The following EGLN3 variants were observed in gnomAD, a reference collection of about 807,000 sequenced individuals.
EGLN3 encodes prolyl hydroxylase EGLN3.
A neutral mutation model predicts 26.0 loss-of-function variants in EGLN3; 15 were observed. That is an observed-to-expected ratio of 0.58 (90% CI 0.39 to 0.89). The LOEUF (loss-of-function observed/expected upper bound fraction) is 0.89. EGLN3 is among the 40% of genes least tolerant of loss of function. EGLN3 has a pLI of 0.00. For missense variants in EGLN3, 238 were observed against 311.6 expected (o/e 0.76, Z 1.78); for synonymous variants, 147 against 127.2 (o/e 1.16, Z -1.05).
At chr14:33,938,598 G>A (rs2064458810) in intron 1 of EGLN3, among the ~76,000 whole-genome samples, 1 of 152,188 alleles carries the variant, frequency 6.6e-6, no homozygotes, top group African/African-American at 2.4e-5. Flanking sequence ...CTCTACCCCA[G>A]TCACCAGAGA....
rs754456979 is a variant in EGLN3 at position 33,950,522 on chromosome 14, C to T, written c.231G>A (p.Gln77=). 6.2e-7 allele frequency: 1 copy of T among 1,613,642 alleles called. No homozygotes were observed. The highest frequency in any genetic ancestry group is 8.5e-7 in the Non-Finnish European group (1 of 1,180,014). Residue 77 remains glutamine (Q), a synonymous_variant, in exon 1 of 5, where the codon CAG becomes CAA. Transcript: ENST00000250457. The part of the protein sequence containing the change: ...GVSKRHLRGD[Q]ITWIGGNEEG... ...CCTCGTTGCCCCCGATCCACGTGAT[C>T]TGGTCGCCCCGCAGGTGTCGCTTGG...
chr14:33,927,230 G>A (rs971563407), intron 3 of EGLN3, among the ~76,000 whole-genome samples, 197 bp from the exon 4 acceptor site: 2 of 151,666 alleles, frequency 1.3e-5, no homozygotes, highest in Middle Eastern at 3.4e-3. Flanking sequence ...AGGCAGAGGC[G>A]TGATCTCGGC....
intron 1 of EGLN3, among the ~76,000 whole-genome samples, chr14:33,948,008 G>A (rs1292219875): frequency 6.6e-6 from 1 of 152,042 alleles, no homozygotes; most frequent in African/African-American, 2.4e-5. Flanking sequence ...CTACAGCCTG[G>A]CGACAGAGCA....
intron 1 of EGLN3, among the ~76,000 whole-genome samples, chr14:33,945,908 G>T (rs2064514353): frequency 6.6e-6 from 1 of 152,120 alleles, no homozygotes; most frequent in Admixed American, 6.5e-5. Context: ...ACACCACCTT[G>T]CAACACATCT....
chr14:33,944,552 G>A (rs546728963), intron 1 of EGLN3, among the ~76,000 whole-genome samples: 2 of 152,224 alleles, frequency 1.3e-5, no homozygotes, highest in East Asian at 3.9e-4. Flanking sequence ...TATCTCTCTA[G>A]CCCTAAAAAC....
At position 33,931,143 on chromosome 14, in the gene EGLN3, G is replaced by A. The variant is rs1268153666; in HGVS notation, c.430C>T (p.Arg144Cys). Residue 144 changes from arginine to cysteine, a missense_variant, in exon 2 of 5, where the codon CGC (arginine) becomes TGC (cysteine). By Grantham distance (180) the Arg-to-Cys change is radical (BLOSUM62 -3). Transcript: ENST00000250457. ...AGATAGTAGATGCAGGTGATGCAGC[G>A]ACCATCACCGTTGGGGTTGTCCACG... The part of the protein sequence containing the change: ...RHVDNPNGDG[R>C]CITCIYYLNK... 1.9e-6 allele frequency: 3 copies of A among 1,614,112 alleles called. No individual in the cohort carries two copies. The highest frequency in any genetic ancestry group is 2.5e-6 in the Non-Finnish European group (3 of 1,180,000).
chr14:33,937,375 T>G (rs2138819296), intron 1 of EGLN3, among the ~76,000 whole-genome samples: 1 of 152,370 alleles, frequency 6.6e-6, no homozygotes, highest in African/African-American at 2.4e-5. Flanking sequence ...GGCATCTTGC[T>G]GGTCATCTTT....
chr14:33,928,491 G>A (rs1406642790), intron 3 of EGLN3, among the ~76,000 whole-genome samples: 1 of 152,124 alleles, frequency 6.6e-6, no homozygotes, highest in Non-Finnish European at 1.5e-5. Context: ...ACAATACTAA[G>A]GTGTTCAGTT....
intron 1 of EGLN3, among the ~76,000 whole-genome samples, chr14:33,947,138 C>T (rs371633897): frequency 2.0e-5 from 3 of 152,170 alleles, no homozygotes; most frequent in Admixed American, 2.0e-4. Flanking sequence ...ATTATACATT[C>T]TCTGGAAAAC....
intron 1 of EGLN3, among the ~76,000 whole-genome samples, chr14:33,941,228 C>T (rs1309339090): frequency 1.3e-5 from 2 of 152,122 alleles, no homozygotes; most frequent in Non-Finnish European, 2.9e-5. Context: ...GTATCTAACT[C>T]ATCCATAAAG....
chr14:33,925,768 A>G lies in EGLN3; in HGVS notation c.*123T>C. 1 of 1,104,012 alleles carries G rather than the reference A, an allele frequency of 9.1e-7. No individual in the cohort carries two copies. Among genetic ancestry groups the G allele is most frequent in the Admixed American group, 1.8e-5 (1 of 54,124 alleles). The allele number at this position is 1,104,012 out of a possible 1,614,324, so 68.4% of individuals were successfully genotyped here. On this transcript the variant is annotated 3_prime_UTR_variant, in exon 5 of 5. Coordinates refer to ENST00000250457, the MANE Select transcript of EGLN3 (RefSeq NM_022073.4). ...TACCACACACAAGACAGGGATGTGA[A>G]GGATGCAAGAAGTAGCAGGGAGATT... is the stretch of plus-strand genomic sequence containing the variant.
intron 4 of EGLN3, 113 bp downstream of exon 4, chr14:33,926,847 A>T: frequency 1.5e-6 from 1 of 682,282 alleles, no homozygotes; most frequent in Non-Finnish European, 2.2e-6. Context: ...ATGTCATTAT[A>T]TATAAAGCTA....
chr14:33,926,018 T>C, intron 4 of EGLN3, 96 bp from the exon 5 acceptor site: 1 of 1,205,426 alleles, frequency 8.3e-7, no homozygotes. Flanking sequence ...CAGTAAACAC[T>C]TCCCATCTTA....
intron 1 of EGLN3, among the ~76,000 whole-genome samples, chr14:33,931,839 C>T (rs1373573507): frequency 6.6e-6 from 1 of 152,202 alleles, no homozygotes; most frequent in South Asian, 2.1e-4. Context: ...AAAAGCCATG[C>T]ATGTATCTTA....
intron 1 of EGLN3, among the ~76,000 whole-genome samples, chr14:33,945,441 C>A (rs1303175170): frequency 6.6e-6 from 1 of 152,158 alleles, no homozygotes; most frequent in African/African-American, 2.4e-5. Flanking sequence ...CAAGGTGAGA[C>A]AATCAGACTT....
chr14:33,928,593 C>T (rs2064378793), intron 3 of EGLN3, among the ~76,000 whole-genome samples: 1 of 152,176 alleles, frequency 6.6e-6, no homozygotes, highest in Non-Finnish European at 1.5e-5. Context: ...AAGCCAATTT[C>T]AAACCAAGGA....
chr14:33,926,333 C>G (rs2064362212), intron 4 of EGLN3, among the ~76,000 whole-genome samples: 2 of 152,162 alleles, frequency 1.3e-5, no homozygotes. Flanking sequence ...ATATATGTTT[C>G]CTTACTGCAG....
rs185319408 is a variant in EGLN3 at position 33,931,101 on chromosome 14, C to T, written c.472G>A (p.Ala158Thr). The change falls in exon 2 of 5, where the codon GCC (alanine) becomes ACC (threonine). Residue 158 changes from alanine to threonine, a missense_variant. Ala to Thr is a moderately conservative substitution (Grantham distance 58, BLOSUM62 0). Coordinates refer to ENST00000250457, the MANE Select transcript of EGLN3 (RefSeq NM_022073.4). ...CIYYLNKNWD[A>T]KLHGGILRIF... ...CTCCCATTATTCAAAAGTACCTTGG[C>T]ATCCCAATTCTTGTTCAGATAGTAG... 6.2e-7 allele frequency: 1 copy of T among 1,614,202 alleles called. No individual in the cohort carries two copies. The highest frequency in any genetic ancestry group is 2.2e-5 in the East Asian group (1 of 44,886).
intron 1 of EGLN3, among the ~76,000 whole-genome samples, chr14:33,937,927 C>T (rs933155779): frequency 5.3e-5 from 8 of 152,138 alleles, no homozygotes; most frequent in Admixed American, 3.9e-4. Context: ...GTGAGAGCAC[C>T]GTGCCTGAAT....
Sources: allele counts gnomAD v4.1 joint callset (sites outside exome capture counted in the v4.1 genomes callset), GRCh38; gene constraint gnomAD v4.1.1; transcripts MANE v1.5; gene names NCBI Gene and HGNC (gene_info 2026-07-23, HGNC 2026-07-21).